PDE1C: variants seen among roughly 807,000 people sequenced by gnomAD.
PDE1C encodes phosphodiesterase 1C, also known as dual specificity calcium/calmodulin-dependent 3',5'-cyclic nucleotide phosphodiesterase 1C.
In PDE1C, 62 loss-of-function variants were observed where a neutral mutation model predicts 93.1. The observed-to-expected ratio is 0.67, with a 90% CI of 0.54 to 0.82. The LOEUF is 0.82. PDE1C is among the 40% of genes least tolerant of loss of function. The probability of loss-of-function intolerance (pLI) is 0.00; values close to 1 mark genes in which losing one functional copy is unlikely to be tolerated. For synonymous variants in PDE1C, 325 were observed against 310.1 expected, an observed-to-expected ratio of 1.05 and a Z score of -0.50; for missense variants, 742 against 884.6, an observed-to-expected ratio of 0.84 and a Z score of 2.04.
intron 2 of PDE1C, among the ~76,000 whole-genome samples, chr7:32,202,797 G>A (rs1805110245): frequency 6.6e-6 from 1 of 152,118 alleles, no homozygotes; most frequent in Admixed American, 6.5e-5. Flanking sequence ...GTGTTCTTTT[G>A]TGTTGCTTGC....
intron 14 of PDE1C, among the ~76,000 whole-genome samples, chr7:31,819,125 C>A (rs1788639426): frequency 6.6e-6 from 1 of 152,086 alleles, no homozygotes; most frequent in Admixed American, 6.6e-5. Context: ...TGTATGATTT[C>A]TCTACAGCAA....
chr7:32,246,203 G>C (rs544558591), intron 1 of PDE1C, among the ~76,000 whole-genome samples: 43 of 151,974 alleles, frequency 2.8e-4, no homozygotes, highest in South Asian at 1.2e-3. Context: ...TCCTGGGCTC[G>C]AGCAATCCTC....
chr7:32,201,638 C>A (rs1805020539), intron 2 of PDE1C, among the ~76,000 whole-genome samples: 1 of 151,906 alleles, frequency 6.6e-6, no homozygotes, highest in African/African-American at 2.4e-5. Flanking sequence ...GGCTCTGATT[C>A]CTAAAAGGGA....
intron 1 of PDE1C, among the ~76,000 whole-genome samples, chr7:32,348,356 C>CTTTTTTTTTTTTTTTTTTTT (rs59148183): frequency 1.7e-5 from 1 of 57,314 alleles, no homozygotes; most frequent in African/African-American, 6.2e-5. Flanking sequence ...AACAAATGTG[C>CTTTTTTTTTTTTTTTTTTTT]TTTTTTTTTT....
At chr7:31,956,828 G>T (rs1375526429) in intron 2 of PDE1C, among the ~76,000 whole-genome samples, 2 of 152,034 alleles carry the variant, frequency 1.3e-5, no homozygotes, top group Non-Finnish European at 2.9e-5. Context: ...AACACAAATT[G>T]GTTAAAATCA....
At chr7:32,319,854 C>A (rs1783251464) in intron 1 of PDE1C, among the ~76,000 whole-genome samples, 1 of 152,196 alleles carries the variant, frequency 6.6e-6, no homozygotes, top group Non-Finnish European at 1.5e-5. Flanking sequence ...GCACCTATTT[C>A]ATGTTGACTA....
intron 12 of PDE1C, among the ~76,000 whole-genome samples, chr7:31,828,043 C>T (rs1000121519): frequency 1.3e-5 from 2 of 152,004 alleles, no homozygotes; most frequent in African/African-American, 4.8e-5. Flanking sequence ...AAGTTGGGGC[C>T]CCCTCTTTCT....
intron 3 of PDE1C, among the ~76,000 whole-genome samples, chr7:32,149,713 G>C (rs544726469): frequency 6.6e-6 from 1 of 152,242 alleles, no homozygotes; most frequent in South Asian, 2.1e-4. Flanking sequence ...GGAGTTAAAC[G>C]TTCATAAAGA....
intron 1 of PDE1C, among the ~76,000 whole-genome samples, chr7:32,313,394 C>T (rs575738248): frequency 3.3e-5 from 5 of 151,768 alleles, no homozygotes; most frequent in Admixed American, 6.6e-5. Context: ...TCAGCCATCC[C>T]ATTACTGGGT....
intron 2 of PDE1C, among the ~76,000 whole-genome samples, chr7:32,031,404 G>C (rs1001044299): frequency 2.0e-5 from 3 of 152,168 alleles, no homozygotes; most frequent in Non-Finnish European, 2.9e-5. Context: ...GCCACACACT[G>C]ATTAGTAGCA....
At chr7:32,315,362 G>A (rs556400802) in intron 1 of PDE1C, among the ~76,000 whole-genome samples, 6 of 151,868 alleles carry the variant, frequency 4.0e-5, no homozygotes, top group African/African-American at 1.4e-4. Flanking sequence ...AAAAGAAATT[G>A]CAAATTGAAA....
the PDE1C span, among the ~76,000 whole-genome samples, chr7:31,715,484 C>T: frequency 6.6e-6 from 1 of 152,210 alleles, no homozygotes. Context: ...AGTGATCTGC[C>T]TGTCTTGGTC....
intron 12 of PDE1C, among the ~76,000 whole-genome samples, chr7:31,826,461 C>G (rs1190452544): frequency 6.6e-6 from 1 of 152,108 alleles, no homozygotes; most frequent in African/African-American, 2.4e-5. Context: ...TAGTTTTAAG[C>G]TGAAACTAAA....
intron 1 of PDE1C, among the ~76,000 whole-genome samples, chr7:32,338,551 G>T (rs1381444527): frequency 6.6e-6 from 1 of 152,102 alleles, no homozygotes; most frequent in Non-Finnish European, 1.5e-5. Context: ...AGGTAAAATG[G>T]TACAACTGCT....
chr7:31,850,918 T>C (rs980026977), intron 7 of PDE1C, 177 bp from the exon 8 acceptor site: 3 of 584,578 alleles, frequency 5.1e-6, no homozygotes, highest in Non-Finnish European at 6.2e-6. Context: ...TGGAGACTTG[T>C]GATTTGTTAA....
intron 16 of PDE1C, chr7:31,789,936 G>A (rs1784389457): frequency 6.0e-6 from 7 of 1,167,678 alleles, no homozygotes; most frequent in Non-Finnish European, 6.3e-6. Context: ...CAGGTCATTA[G>A]CAAAGGATTT....
At chr7:32,023,011 C>T (rs144193660) in intron 2 of PDE1C, among the ~76,000 whole-genome samples, 185 of 151,462 alleles carry the variant, frequency 1.2e-3, no homozygotes, top group Non-Finnish European at 2.2e-3. Context: ...AGGCTTTGCT[C>T]CCACTCTTCC....
chr7:32,246,002 C>T (rs541511266), intron 1 of PDE1C, among the ~76,000 whole-genome samples: 5 of 129,876 alleles, frequency 3.8e-5, no homozygotes, highest in Non-Finnish European at 7.8e-5. Flanking sequence ...CAGAGTCTTG[C>T]TCTGTCACCC....
chr7:31,672,488 G>A, the PDE1C span, among the ~76,000 whole-genome samples: 1 of 151,402 alleles, frequency 6.6e-6, no homozygotes, highest in Admixed American at 6.6e-5. Flanking sequence ...TTGCTAATCT[G>A]ATCAATTTGT....
Sources: allele counts gnomAD v4.1 joint callset (sites outside exome capture counted in the v4.1 genomes callset), GRCh38; gene constraint gnomAD v4.1.1; transcripts MANE v1.5; gene names NCBI Gene and HGNC (gene_info 2026-07-23, HGNC 2026-07-21).